Variants in SLC17A5 observed in about 807,000 individuals in gnomAD.
The protein encoded by SLC17A5 is sialin.
A neutral mutation model predicts 59.4 loss-of-function variants in SLC17A5; 47 were observed. That is an observed-to-expected ratio of 0.79 (90% confidence interval 0.63 to 1.01). The LOEUF (loss-of-function observed/expected upper bound fraction) is 1.01. Among genes scored for constraint, SLC17A5 ranks in the 50% least tolerant of loss-of-function variants. The pLI is 0.00. For synonymous variants in SLC17A5, 202 were observed against 210.7 expected (o/e 0.96, Z 0.36); for missense variants, 522 against 595.5 (o/e 0.88, Z 1.28).
At chr6:73,639,271 T>A (rs1203725754) in intron 3 of SLC17A5, among the ~76,000 whole-genome samples, 1 of 152,198 alleles carries the variant, frequency 6.6e-6, no homozygotes, top group Non-Finnish European at 1.5e-5. Context: ...ACTCTCTGTG[T>A]CACTTCAGAA....
At chr6:73,626,405 A>G (rs1349280607) in intron 6 of SLC17A5, among the ~76,000 whole-genome samples, 1 of 152,256 alleles carries the variant, frequency 6.6e-6, no homozygotes, top group African/African-American at 2.4e-5. Flanking sequence ...GGTACAACAC[A>G]ACAGTTTTCT....
At chr6:73,647,553 G>T (rs1769639678) in intron 1 of SLC17A5, among the ~76,000 whole-genome samples, 1 of 152,212 alleles carries the variant, frequency 6.6e-6, no homozygotes, top group East Asian at 1.9e-4. Context: ...ATCCTTATTT[G>T]CAGTTATCTT....
chr6:73,612,267 A>G lies in SLC17A5; in HGVS notation c.1112-1720T>C, dbSNP rs575746327. On this transcript the variant is annotated intron_variant, in intron 8 of 10. Coordinates refer to ENST00000355773, the MANE Select transcript of SLC17A5 (RefSeq NM_012434.5). ...AACCTCTGCCTCCCAGGTTCAAGCA[A>G]TTCTCCTGCCTCGGCCTCCTGAATA... 6.6e-5 allele frequency among the ~76,000 whole-genome samples: 10 copies of G among 152,056 alleles called. No homozygotes were observed. In the East Asian group the frequency reaches 1.9e-3, roughly 29 times the overall value.
At position 73,636,714 on chromosome 6, in the gene SLC17A5, C is replaced by T. The variant is rs1254974990; in HGVS notation, c.614-7G>A. 6 of 1,587,538 alleles carry T rather than the reference C, an allele frequency of 3.8e-6. No individual in the cohort carries two copies. The South Asian group carries it at 6.6e-5, about 18-fold the overall frequency. ...ACTGTCCCAAGCTGTGCTCCTAGAA[C>T]AACACATAAGACTATTTTATAAACT... On this transcript the variant is annotated splice_region_variant and splice_polypyrimidine_tract_variant and intron_variant, in intron 4 of 10. Transcript: ENST00000355773.
chr6:73,627,527 TG>T (rs10709507), intron 6 of SLC17A5, among the ~76,000 whole-genome samples: 4,052 of 152,240 alleles, frequency 0.027, 164 homozygotes, highest in African/African-American at 0.092. Flanking sequence ...CTCTTGCTAT[TG>T]TTTCTAACAC....
In SLC17A5 at chr6:73,605,899, C is replaced by A. The variant is rs536974059; in HGVS notation, c.1259+4501G>T. Among the ~76,000 whole-genome samples the A allele has an allele frequency of 2.0e-5, 3 of 152,134 alleles. No individual in the cohort carries two copies. In the South Asian group the frequency reaches 6.2e-4, roughly 32 times the overall value. On this transcript the variant is annotated intron_variant, in intron 9 of 10. Transcript: ENST00000355773. ...GGCTGAGGCAGGAGAATCACTTGAA[C>A]CCAAGAGGCAGAGGTTGCGGTGAGC...
At chr6:73,596,115 G>A (rs1766788322) in intron 10 of SLC17A5, among the ~76,000 whole-genome samples, 1 of 151,678 alleles carries the variant, frequency 6.6e-6, no homozygotes, top group Admixed American at 6.6e-5. Context: ...CTGGATTTGT[G>A]CATTTAAAAA....
chr6:73,598,992 A>AG, intron 10 of SLC17A5, among the ~76,000 whole-genome samples: 1 of 151,536 alleles, frequency 6.6e-6, no homozygotes, highest in East Asian at 1.9e-4. Flanking sequence ...CTCAAAAAAA[A>AG]AAACCAAAAA....
intron 8 of SLC17A5, among the ~76,000 whole-genome samples, chr6:73,611,073 T>A (rs1354544933): frequency 2.0e-5 from 3 of 151,934 alleles, no homozygotes; most frequent in Admixed American, 1.3e-4. Context: ...CAAGACCCTG[T>A]CTCTACGAAA....
intron 1 of SLC17A5, among the ~76,000 whole-genome samples, chr6:73,646,956 G>A (rs182199965): frequency 2.6e-5 from 4 of 152,218 alleles, no homozygotes; most frequent in East Asian, 3.9e-4. Context: ...AATTATAGAC[G>A]TGAGCCACTG....
intron 9 of SLC17A5, among the ~76,000 whole-genome samples, chr6:73,609,580 A>G (rs1691341): frequency 0.11 from 16,330 of 152,182 alleles, 1,053 homozygotes; most frequent in Middle Eastern, 0.18. Context: ...TTCATCTGAC[A>G]AAATGCCTAC....
chr6:73,612,409 T>C (rs1326773745), intron 8 of SLC17A5, among the ~76,000 whole-genome samples: 1 of 152,122 alleles, frequency 6.6e-6, no homozygotes, highest in Non-Finnish European at 1.5e-5. Flanking sequence ...TGCCTCCGCC[T>C]CTGCCTCCCA....
intron 6 of SLC17A5, among the ~76,000 whole-genome samples, chr6:73,626,777 A>AT (rs1408599180): frequency 2.0e-5 from 3 of 152,076 alleles, no homozygotes; most frequent in Non-Finnish European, 4.4e-5. Flanking sequence ...GAATAACTAA[A>AT]TTTTTTTATT....
At chr6:73,619,690 T>G (rs548491820) in intron 7 of SLC17A5, among the ~76,000 whole-genome samples, 1 of 152,256 alleles carries the variant, frequency 6.6e-6, no homozygotes, top group East Asian at 1.9e-4. Context: ...AGGTCCTATA[T>G]TCACATTTCT....
At chr6:73,619,753 A>G (rs1435984838) in intron 7 of SLC17A5, among the ~76,000 whole-genome samples, 2 of 152,088 alleles carry the variant, frequency 1.3e-5, no homozygotes, top group Non-Finnish European at 2.9e-5. Context: ...AAGATAAAAG[A>G]TCCTTGTTTT....
At chr6:73,612,415 T>C (rs1390766081) in intron 8 of SLC17A5, among the ~76,000 whole-genome samples, 2 of 152,124 alleles carry the variant, frequency 1.3e-5, no homozygotes, top group African/African-American at 2.4e-5. Context: ...CGCCTCTGCC[T>C]CCCAAAGTGC....
At chr6:73,602,309 C>G (rs1210837957) in intron 9 of SLC17A5, among the ~76,000 whole-genome samples, 4 of 146,630 alleles carry the variant, frequency 2.7e-5, no homozygotes, top group Admixed American at 2.7e-4. Context: ...TGCGGAACGC[C>G]GCAGGGTCCT....
At chr6:73,615,889 T>TTTTG (rs1767835295) in intron 7 of SLC17A5, among the ~76,000 whole-genome samples, 1 of 144,398 alleles carries the variant, frequency 6.9e-6, no homozygotes, top group Admixed American at 7.0e-5. Context: ...TCTTTTTTTT[T>TTTTG]TTTTTTTTTT....
intron 9 of SLC17A5, among the ~76,000 whole-genome samples, chr6:73,601,509 T>C (rs1443217972): frequency 1.7e-5 from 1 of 60,058 alleles, no homozygotes; most frequent in African/African-American, 8.9e-5. Flanking sequence ...GGGAGGGAGG[T>C]GGGGGGGTCA....
Sources: gnomAD v4.1 joint callset for allele counts (sites outside exome capture counted in the v4.1 genomes callset) on GRCh38, gnomAD v4.1.1 for gene constraint, MANE v1.5 for transcripts, NCBI Gene and HGNC (gene_info 2026-07-23, HGNC 2026-07-21) for gene names.